Variants in KIF18A observed in about 807,000 individuals in gnomAD.
KIF18A encodes kinesin-like protein KIF18A.
In KIF18A, 67 loss-of-function variants were observed where a neutral mutation model predicts 103.3. The observed-to-expected ratio is 0.65, with a 90% CI of 0.53 to 0.79. The LOEUF (loss-of-function observed/expected upper bound fraction) is 0.79, where lower values mean the gene tolerates loss of function less well. Among genes scored for constraint, KIF18A ranks in the 30% least tolerant of loss-of-function variants. The pLI, the probability that KIF18A is intolerant of heterozygous loss-of-function variation, is 0.00. For synonymous variants in KIF18A, 367 were observed against 355.5 expected (o/e 1.03, Z -0.36); for missense variants, 1,032 against 1,062.5 (o/e 0.97, Z 0.40).
At chr11:28,054,212 A>G (rs1204137387) in intron 13 of KIF18A, among the ~76,000 whole-genome samples, 2 of 143,986 alleles carry the variant, frequency 1.4e-5, no homozygotes, top group Non-Finnish European at 3.1e-5. Flanking sequence ...ATCTCATCAG[A>G]TTTTTTTTTT....
intron 15 of KIF18A, among the ~76,000 whole-genome samples, chr11:28,028,584 C>G (rs1008454581): frequency 8.6e-5 from 13 of 151,880 alleles, no homozygotes; most frequent in Non-Finnish European, 1.5e-4. Flanking sequence ...CAGGAAAGAT[C>G]TAAAATTGAC....
chr11:28,031,198 T>C (rs896994033), intron 15 of KIF18A, among the ~76,000 whole-genome samples: 2 of 152,084 alleles, frequency 1.3e-5, no homozygotes, highest in Admixed American at 1.3e-4. Flanking sequence ...ACCCAAAGGA[T>C]TATAAATCAT....
chr11:28,098,149 A>AAC (rs956403918), intron 1 of KIF18A, among the ~76,000 whole-genome samples, 156 bp from the exon 2 acceptor site: 9 of 151,956 alleles, frequency 5.9e-5, no homozygotes, highest in East Asian at 1.9e-4. Context: ...AGGCACACAC[A>AAC]ACACACACAC....
At chr11:28,071,314 G>C (rs1294695001) in intron 10 of KIF18A, among the ~76,000 whole-genome samples, 2 of 152,056 alleles carry the variant, frequency 1.3e-5, no homozygotes, top group Non-Finnish European at 2.9e-5. Flanking sequence ...CAGCAGTTAT[G>C]AGAATAGAGC....
chr11:28,057,213 A>C (rs1783316967), intron 13 of KIF18A, among the ~76,000 whole-genome samples: 1 of 152,222 alleles, frequency 6.6e-6, no homozygotes, highest in Admixed American at 6.5e-5. Flanking sequence ...TCTGAGAGTT[A>C]CACATTTTAA....
Position 28,083,283 on chromosome 11 carries a change from A to G in KIF18A, c.1075-40T>C, listed in dbSNP as rs1224382035. Reference sequence around the variant, plus strand: ...AAATTATGATTGTTTATAGAGAGATAATAATCACAGAGATAAATACATGAA... The same window carrying G: ...AAATTATGATTGTTTATAGAGAGATGATAATCACAGAGATAAATACATGAA... On this transcript the variant is annotated intron_variant, in intron 7 of 16. Transcript: ENST00000263181. 7 of 1,517,598 alleles carry G rather than the reference A, an allele frequency of 4.6e-6. No homozygotes were observed. The East Asian group carries it at 1.5e-4, about 33-fold the overall frequency. 94.0% of individuals were successfully genotyped at this position (1,517,598 alleles called of 1,614,324 possible). A position where few individuals can be genotyped will look rare whatever the true frequency, so the allele number is the denominator to read the frequency against.
intron 15 of KIF18A, among the ~76,000 whole-genome samples, chr11:28,026,131 T>C (rs1203583035): frequency 6.6e-6 from 1 of 151,828 alleles, no homozygotes; most frequent in African/African-American, 2.4e-5. Flanking sequence ...TTTAGTAAAA[T>C]AGTGTGCTAG....
chr11:28,042,046 A>AT (rs1327175616), intron 13 of KIF18A, among the ~76,000 whole-genome samples: 4 of 151,660 alleles, frequency 2.6e-5, no homozygotes, highest in Non-Finnish European at 5.9e-5. Flanking sequence ...TGGAATCTGC[A>AT]TTTTTCCCTT....
intron 10 of KIF18A, among the ~76,000 whole-genome samples, chr11:28,072,487 A>C (rs1361252430): frequency 6.6e-6 from 1 of 152,120 alleles, no homozygotes. Flanking sequence ...CAAAACATAA[A>C]ATTCCTTGCC....
chr11:28,067,155 C>T (rs779015364), intron 11 of KIF18A, among the ~76,000 whole-genome samples: 2 of 151,920 alleles, frequency 1.3e-5, no homozygotes, highest in Non-Finnish European at 2.9e-5. Context: ...TATCCTTTTC[C>T]CAATGTTTAC....
chr11:28,094,625 T>C lies in KIF18A; in HGVS notation c.483+18A>G. 6.4e-7 allele frequency: 1 copy of C among 1,573,848 alleles called. No individual in the cohort carries two copies. Among genetic ancestry groups the C allele is most frequent in the Non-Finnish European group, 8.7e-7 (1 of 1,145,670 alleles). ...ATGATTTCCCAAAACTATTGATTAA[T>C]CTAAATTCCCAACTTACCTCCAGAT... On this transcript the variant is annotated intron_variant, in intron 3 of 16. Coordinates refer to ENST00000263181, the MANE Select transcript of KIF18A (RefSeq NM_031217.4).
Position 28,069,394 on chromosome 11 carries a change from T to G in KIF18A, c.1455A>C (p.Ala485=). 1 of 1,613,514 alleles carries G rather than the reference T, an allele frequency of 6.2e-7. No homozygotes were observed. The highest frequency in any genetic ancestry group is 8.5e-7 in the Non-Finnish European group (1 of 1,179,744). The change falls in exon 11 of 17, where the codon GCA becomes GCC. Residue 485 remains alanine, a synonymous_variant. Transcript: ENST00000263181. The part of the protein sequence containing the change: ...KATGKRDHRL[A]MLKTRRSYLE... Reference sequence around the variant, plus strand: ...GGTAGGAGCGACGAGTTTTCAACATTGCAAGTCTATGATCTCGTTTTCCAG... The same window carrying G: ...GGTAGGAGCGACGAGTTTTCAACATGGCAAGTCTATGATCTCGTTTTCCAG...
At chr11:28,070,087 C>T (rs777870344) in intron 10 of KIF18A, among the ~76,000 whole-genome samples, 1 of 152,050 alleles carries the variant, frequency 6.6e-6, no homozygotes, top group Admixed American at 6.6e-5. Context: ...AACATCTTGA[C>T]GTCTCTGGGG....
intron 6 of KIF18A, among the ~76,000 whole-genome samples, chr11:28,087,241 CT>C (rs1224946849): frequency 1.3e-5 from 2 of 152,296 alleles, no homozygotes; most frequent in African/African-American, 4.8e-5. Context: ...CCCACACCCC[CT>C]GACAGGCCCT....
chr11:28,041,898 A>G (rs1482543119), intron 13 of KIF18A, among the ~76,000 whole-genome samples: 1 of 151,862 alleles, frequency 6.6e-6, no homozygotes, highest in Non-Finnish European at 1.5e-5. Context: ...CCATAAAACC[A>G]TGAACCATTT....
At chr11:28,025,502 C>A (rs937239652) in intron 15 of KIF18A, among the ~76,000 whole-genome samples, 1 of 151,738 alleles carries the variant, frequency 6.6e-6, no homozygotes, top group African/African-American at 2.4e-5. Context: ...GTTCCAGGAC[C>A]CTACTTTTTA....
chr11:28,039,684 G>C (rs951244720), intron 13 of KIF18A, among the ~76,000 whole-genome samples: 2 of 151,676 alleles, frequency 1.3e-5, no homozygotes, highest in Non-Finnish European at 2.9e-5. Context: ...AGTATGATCA[G>C]ACTGACTAAC....
rs778788771 is a variant in KIF18A at position 28,023,762 on chromosome 11, G to C, written c.2593C>G (p.Gln865Glu). 1.2e-6 allele frequency: 2 copies of C among 1,609,004 alleles called. No individual in the cohort carries two copies. The highest frequency in any genetic ancestry group is 1.7e-6 in the Non-Finnish European group (2 of 1,175,806). The change falls in exon 16 of 17, where the codon CAA (glutamine) becomes GAA (glutamate). Residue 865 changes from glutamine to glutamate, a missense_variant. Transcript: ENST00000263181. ...ATACCCATTGTTGGTTTGTTTTCTT[G>C]TAAGTGCTTCTCACTTGAATTATCT... ...RQDNSSEKHL[Q>E]ENKPTMEHKR...
chr11:28,058,952 A>C lies in KIF18A; in HGVS notation c.1922T>G (p.Leu641Arg), dbSNP rs375557615. 8.8e-5 allele frequency: 142 copies of C among 1,614,044 alleles called. No individual in the cohort carries two copies. The highest frequency in any genetic ancestry group is 1.7e-4 in the Middle Eastern group (1 of 6,060). Residue 641 changes from leucine to arginine, a missense_variant, in exon 13 of 17, where the codon CTT (leucine) becomes CGT (arginine). Physicochemically the swap from Leu to Arg is moderately radical, Grantham distance 102 (BLOSUM62 -2). Transcript: ENST00000263181. ...GISVLMTFPQLGPVQPIPCCS... is the reference protein window; with the variant it reads ...GISVLMTFPQRGPVQPIPCCS... ...ACAAGGAATAGGCTGAACTGGTCCA[A>C]GTTGTGGAAAGGTCATAAGAACAGA...
Sources: gnomAD v4.1 joint callset for allele counts (sites outside exome capture counted in the v4.1 genomes callset) on GRCh38, gnomAD v4.1.1 for gene constraint, MANE v1.5 for transcripts, NCBI Gene and HGNC (gene_info 2026-07-23, HGNC 2026-07-21) for gene names.